The following WDR59 variants were observed in gnomAD, a reference collection of about 807,000 sequenced individuals.
The protein encoded by WDR59 is WD repeat domain 59.
In WDR59, 100 loss-of-function variants were observed where a neutral mutation model predicts 131.2. That is an observed-to-expected ratio of 0.76 (90% CI 0.65 to 0.90). WDR59 has a LOEUF of 0.90. WDR59 is among the 40% of genes least tolerant of loss of function. WDR59 has a pLI of 0.00. For missense variants in WDR59, 1,203 were observed against 1,262.2 expected, an observed-to-expected ratio of 0.95 and a Z score of 0.71; for synonymous variants, 601 against 466.2, an observed-to-expected ratio of 1.29 and a Z score of -3.72.
chr16:74,955,731 C>T (rs148025962), intron 3 of WDR59, among the ~76,000 whole-genome samples: 6 of 152,264 alleles, frequency 3.9e-5, no homozygotes, highest in African/African-American at 1.4e-4. Context: ...CTGAGACAGA[C>T]TGCACAGTGG....
chr16:74,978,476 G>C (rs1191794667), intron 1 of WDR59, among the ~76,000 whole-genome samples: 2 of 152,164 alleles, frequency 1.3e-5, no homozygotes. Context: ...GGGCAACTGA[G>C]AAAGATTCTG....
chr16:74,895,915 G>T (rs2144846571), intron 18 of WDR59, among the ~76,000 whole-genome samples: 1 of 152,266 alleles, frequency 6.6e-6, no homozygotes, highest in African/African-American at 2.4e-5. Context: ...TGTCTACCCT[G>T]CAGTGACAGT....
chr16:74,936,901 A>G (rs1045835332), intron 8 of WDR59, among the ~76,000 whole-genome samples: 2 of 152,218 alleles, frequency 1.3e-5, no homozygotes, highest in African/African-American at 4.8e-5. Context: ...CATCTGACAC[A>G]TTAAAAATAA....
At chr16:74,973,238 T>A (rs1218611858) in intron 1 of WDR59, among the ~76,000 whole-genome samples, 2 of 152,110 alleles carry the variant, frequency 1.3e-5, no homozygotes, top group Non-Finnish European at 2.9e-5. Context: ...CAAAACTCTG[T>A]CTCAAAAACC....
At chr16:74,930,874 CAG>C (rs1223008776) in intron 8 of WDR59, 11 of 104,898 alleles carry the variant, frequency 1.0e-4, no homozygotes, top group African/African-American at 3.5e-4. Context: ...GCCTGGATGA[CAG>C]AGAGAGACTC....
intron 21 of WDR59, 50 bp from the exon 22 acceptor site, chr16:74,888,369 G>A (rs1315498341): frequency 1.3e-6 from 2 of 1,567,770 alleles, no homozygotes; most frequent in South Asian, 1.2e-5. Context: ...AGGGATTGAG[G>A]AGGAAAGCGG....
At chr16:74,899,055 C>T (rs1457909990) in intron 18 of WDR59, among the ~76,000 whole-genome samples, 1 of 152,054 alleles carries the variant, frequency 6.6e-6, no homozygotes, top group African/African-American at 2.4e-5. Context: ...CTTGGCACTA[C>T]TGAAACATGA....
intron 8 of WDR59, among the ~76,000 whole-genome samples, chr16:74,927,684 AC>A (rs2030970778): frequency 7.9e-6 from 1 of 126,160 alleles, no homozygotes. Flanking sequence ...TCTTTAAAAA[AC>A]ACACACACAC....
chr16:74,975,382 G>T (rs1020602042), intron 1 of WDR59, among the ~76,000 whole-genome samples: 1 of 150,996 alleles, frequency 6.6e-6, no homozygotes, highest in South Asian at 2.1e-4. Context: ...AAAAAACAAG[G>T]CTGGGCACAG....
At chr16:74,904,389 A>C (rs1965701485) in intron 17 of WDR59, 3 of 257,614 alleles carry the variant, frequency 1.2e-5, no homozygotes, top group Non-Finnish European at 2.2e-5. Flanking sequence ...TCTATCAATT[A>C]GAAACAAATA....
chr16:74,876,756 A>G (rs2144748684), intron 25 of WDR59, among the ~76,000 whole-genome samples: 1 of 152,254 alleles, frequency 6.6e-6, no homozygotes, highest in Non-Finnish European at 1.5e-5. Context: ...TATATACACA[A>G]TGGAATGGCT....
chr16:74,912,426 C>G, intron 13 of WDR59, 64 bp from the exon 14 acceptor site: 1 of 1,538,666 alleles, frequency 6.5e-7, no homozygotes, highest in South Asian at 1.2e-5. Context: ...GATGCAAGCA[C>G]ATTTAACTGA....
intron 25 of WDR59, among the ~76,000 whole-genome samples, chr16:74,880,079 T>C (rs1194739584): frequency 6.6e-6 from 1 of 152,168 alleles, no homozygotes; most frequent in Non-Finnish European, 1.5e-5. Context: ...CTTATCATGA[T>C]ATACATGGAT....
chr16:74,960,807 A>G (rs1363304172), intron 2 of WDR59, among the ~76,000 whole-genome samples: 1 of 150,540 alleles, frequency 6.6e-6, no homozygotes, highest in Non-Finnish European at 1.5e-5. Context: ...AAAAGGGAGA[A>G]AATGATCAAA....
intron 18 of WDR59, among the ~76,000 whole-genome samples, chr16:74,902,826 T>C (rs1597673872): frequency 2.0e-5 from 3 of 151,906 alleles, no homozygotes; most frequent in African/African-American, 7.3e-5. Context: ...GGAAATGATA[T>C]AGATTAGTGG....
At chr16:74,917,808 CAAAAAAAAA>C in intron 11 of WDR59, 112 bp downstream of exon 11, 5 of 429,710 alleles carry the variant, frequency 1.2e-5, no homozygotes, top group South Asian at 2.5e-5. Flanking sequence ...GACGCACTCT[CAAAAAAAAA>C]AAAAAAAAAA....
At chr16:74,945,320 C>CA (rs1179607896) in intron 6 of WDR59, among the ~76,000 whole-genome samples, 11 of 146,382 alleles carry the variant, frequency 7.5e-5, no homozygotes, top group South Asian at 4.4e-4. Flanking sequence ...ACTAAAAATA[C>CA]AAAAAAATTA....
In WDR59 at chr16:74,875,902, T is replaced by C. The variant is rs548148481; in HGVS notation, c.2690-1458A>G. 1.3e-4 allele frequency among the ~76,000 whole-genome samples: 20 copies of C among 152,258 alleles called. 1 individual carries two copies. The highest frequency in any genetic ancestry group is 1.0e-3 in the South Asian group (5 of 4,824). On this transcript the variant is annotated intron_variant, in intron 25 of 25. Transcript: ENST00000262144. Reference sequence around the variant, plus strand: ...CGCGATCACCAACGGACACAACACCTAGCCCTGCGCGGAGCCTGTGTTTCC... The same window carrying C: ...CGCGATCACCAACGGACACAACACCCAGCCCTGCGCGGAGCCTGTGTTTCC...
chr16:74,979,444 C>T (rs1324616906), intron 1 of WDR59, among the ~76,000 whole-genome samples: 3 of 145,082 alleles, frequency 2.1e-5, no homozygotes, highest in Non-Finnish European at 4.5e-5. Flanking sequence ...CCAGCCTGGG[C>T]GACAGAGTGA....
Sources: gnomAD v4.1 joint callset for allele counts (sites outside exome capture counted in the v4.1 genomes callset) on GRCh38, gnomAD v4.1.1 for gene constraint, MANE v1.5 for transcripts, NCBI Gene and HGNC (gene_info 2026-07-23, HGNC 2026-07-21) for gene names.